TNR: variants seen among roughly 807,000 people sequenced by gnomAD.
The protein encoded by TNR is tenascin-R.
A neutral mutation model predicts 150.4 loss-of-function variants in TNR; 45 were observed. That is an observed-to-expected ratio of 0.30 (90% confidence interval 0.24 to 0.38). The LOEUF is 0.38. Ranked by LOEUF, TNR falls within the 10% of genes least tolerant of loss-of-function variation. The pLI, the probability that TNR is intolerant of heterozygous loss-of-function variation, is 1.00. For synonymous variants in TNR, 687 were observed against 678.4 expected (o/e 1.01, Z -0.20); for missense variants, 1,544 against 1,759.1 (o/e 0.88, Z 2.19).
chr1:175,715,486 T>G (rs769438820), intron 1 of TNR, among the ~76,000 whole-genome samples: 6 of 152,122 alleles, frequency 3.9e-5, no homozygotes, highest in Non-Finnish European at 7.4e-5. Flanking sequence ...ACCAGCTATG[T>G]GCACAGATGC....
At chr1:175,567,183 T>G (rs1661677680) in intron 1 of TNR, among the ~76,000 whole-genome samples, 2 of 152,220 alleles carry the variant, frequency 1.3e-5, no homozygotes, top group Non-Finnish European at 2.9e-5. Flanking sequence ...GTGTGTATAA[T>G]TACGTTTAAT....
At chr1:175,430,903 T>C (rs1207190086) in intron 2 of TNR, among the ~76,000 whole-genome samples, 8 of 152,246 alleles carry the variant, frequency 5.3e-5, no homozygotes, top group African/African-American at 1.9e-4. Flanking sequence ...AAAAATATAA[T>C]TTTCTATGGA....
At chr1:175,696,819 C>T (rs1228519108) in intron 1 of TNR, among the ~76,000 whole-genome samples, 3 of 146,626 alleles carry the variant, frequency 2.0e-5, no homozygotes, top group African/African-American at 7.6e-5. Context: ...GTGGAGGTTA[C>T]AGTGGGCCGA....
intron 1 of TNR, among the ~76,000 whole-genome samples, chr1:175,663,911 A>T (rs1665455452): frequency 6.6e-6 from 1 of 152,238 alleles, no homozygotes; most frequent in South Asian, 2.1e-4. Flanking sequence ...GGAGATATTG[A>T]CTGGGGAGAG....
chr1:175,509,522 T>C (rs1443185578), intron 2 of TNR, among the ~76,000 whole-genome samples: 2 of 152,180 alleles, frequency 1.3e-5, no homozygotes, highest in African/African-American at 4.8e-5. Flanking sequence ...AAAGAACTTC[T>C]CCCTCCCTAA....
chr1:175,344,589 A>G (rs1273529080), intron 18 of TNR, among the ~76,000 whole-genome samples: 1 of 152,206 alleles, frequency 6.6e-6, no homozygotes, highest in African/African-American at 2.4e-5. Context: ...ATGGAAATCA[A>G]TTCAGTAACT....
intron 12 of TNR, 42 bp downstream of exon 12, chr1:175,364,968 A>G: frequency 6.4e-7 from 1 of 1,562,998 alleles, no homozygotes; most frequent in Non-Finnish European, 8.7e-7. Flanking sequence ...GGCTACTGTG[A>G]AAACCCCTTT....
At chr1:175,738,272 C>T (rs541512691) in intron 1 of TNR, among the ~76,000 whole-genome samples, 3 of 152,194 alleles carry the variant, frequency 2.0e-5, no homozygotes, top group South Asian at 2.1e-4. Flanking sequence ...ACAATGCAAG[C>T]GTCCATTAAT....
chr1:175,705,369 A>G (rs1327839104), intron 1 of TNR, among the ~76,000 whole-genome samples: 1 of 152,222 alleles, frequency 6.6e-6, no homozygotes, highest in Non-Finnish European at 1.5e-5. Flanking sequence ...GAAGAAAGAC[A>G]TTAAAAAGCC....
intron 1 of TNR, among the ~76,000 whole-genome samples, chr1:175,584,324 AC>A (rs1461355546): frequency 2.6e-5 from 4 of 152,186 alleles, no homozygotes; most frequent in African/African-American, 4.8e-5. Flanking sequence ...TGATACCTCT[AC>A]CAGCCAAGGA....
chr1:175,416,678 C>A (rs1654468942), intron 2 of TNR, among the ~76,000 whole-genome samples: 1 of 152,088 alleles, frequency 6.6e-6, no homozygotes, highest in Non-Finnish European at 1.5e-5. Flanking sequence ...TGTTTCCTGC[C>A]CACACTCCTT....
intron 1 of TNR, among the ~76,000 whole-genome samples, chr1:175,538,082 G>C (rs1311744578): frequency 6.6e-6 from 1 of 152,226 alleles, no homozygotes; most frequent in Non-Finnish European, 1.5e-5. Context: ...GAGCTTAAGA[G>C]CTTAGTGCAT....
chr1:175,709,344 C>T (rs929974168), intron 1 of TNR, among the ~76,000 whole-genome samples: 11 of 151,628 alleles, frequency 7.3e-5, no homozygotes, highest in Admixed American at 6.6e-4. Flanking sequence ...CACACACACG[C>T]ACTTCCAACA....
At chr1:175,504,345 T>C (rs192300699) in intron 2 of TNR, among the ~76,000 whole-genome samples, 15 of 152,218 alleles carry the variant, frequency 9.9e-5, no homozygotes, top group Middle Eastern at 6.8e-3. Context: ...TGTATAGATG[T>C]GGACACTGAG....
At chr1:175,629,975 C>G (rs1329873779) in intron 1 of TNR, among the ~76,000 whole-genome samples, 2 of 152,082 alleles carry the variant, frequency 1.3e-5, no homozygotes, top group Non-Finnish European at 2.9e-5. Flanking sequence ...AACCTCAGAC[C>G]CATACTGAGT....
At chr1:175,589,987 A>C (rs554085695) in intron 1 of TNR, among the ~76,000 whole-genome samples, 1 of 152,132 alleles carries the variant, frequency 6.6e-6, no homozygotes, top group Non-Finnish European at 1.5e-5. Context: ...CCCAGAACCT[A>C]AAGTATAATA....
chr1:175,543,482 G>A (rs1660576259), intron 1 of TNR, among the ~76,000 whole-genome samples: 1 of 152,152 alleles, frequency 6.6e-6, no homozygotes, highest in Non-Finnish European at 1.5e-5. Flanking sequence ...CAGAGCCAGA[G>A]AGCAGCCAGA....
At chr1:175,553,019 T>C (rs982840677) in intron 1 of TNR, among the ~76,000 whole-genome samples, 11 of 152,104 alleles carry the variant, frequency 7.2e-5, no homozygotes, top group Non-Finnish European at 4.4e-5. Flanking sequence ...TCACATATGA[T>C]CTGCTTGGAC....
intron 1 of TNR, among the ~76,000 whole-genome samples, chr1:175,734,038 G>C (rs1667711245): frequency 6.6e-6 from 1 of 152,208 alleles, no homozygotes; most frequent in African/African-American, 2.4e-5. Context: ...GGGATTGCTG[G>C]TGACAGTATG....
Sources: gnomAD v4.1 joint callset for allele counts (sites outside exome capture counted in the v4.1 genomes callset) on GRCh38, gnomAD v4.1.1 for gene constraint, MANE v1.5 for transcripts, NCBI Gene and HGNC (gene_info 2026-07-23, HGNC 2026-07-21) for gene names.